The following CLEC5A variants were observed in gnomAD, a reference collection of about 807,000 sequenced individuals.
CLEC5A encodes C-type lectin domain containing 5A.
CLEC5A carries 15 observed loss-of-function variants against 24.4 expected under a neutral mutation model. The observed-to-expected ratio is 0.62, with a 90% CI of 0.41 to 0.95. The LOEUF (loss-of-function observed/expected upper bound fraction) is 0.95. Ranked by LOEUF, CLEC5A falls within the 40% of genes least tolerant of loss-of-function variation. The pLI, the probability that CLEC5A is intolerant of heterozygous loss-of-function variation, is 0.00. For synonymous variants in CLEC5A, 71 were observed against 72.6 expected, an observed-to-expected ratio of 0.98 and a Z score of 0.11; for missense variants, 211 against 224.0, an observed-to-expected ratio of 0.94 and a Z score of 0.37.
chr7:141,930,521 G>A (rs1802428803), intron 6 of CLEC5A, among the ~76,000 whole-genome samples: 1 of 152,194 alleles, frequency 6.6e-6, no homozygotes, highest in Admixed American at 6.5e-5. Context: ...CTGGCATTTG[G>A]TTAGAAGCAT....
intron 2 of CLEC5A, 191 bp downstream of exon 2, chr7:141,946,023 C>A: frequency 1.7e-6 from 1 of 599,798 alleles, no homozygotes; most frequent in Non-Finnish European, 2.9e-6. Context: ...CCAAGGTAGA[C>A]CAAGGAGCCT....
At chr7:141,945,443 G>A (rs1554442050) in intron 2 of CLEC5A, 43 bp from the exon 3 acceptor site, 2 of 1,366,334 alleles carry the variant, frequency 1.5e-6, no homozygotes, top group Non-Finnish European at 2.1e-6. Context: ...AAATGTGACT[G>A]CATGATGAAT....
At chr7:141,940,260 A>G (rs76670438) in intron 4 of CLEC5A, among the ~76,000 whole-genome samples, 2,575 of 152,236 alleles carry the variant, frequency 0.017, 70 homozygotes, top group African/African-American at 0.059. Flanking sequence ...ATGGAATTAA[A>G]TAGAAGTCAG....
Position 141,931,715 on chromosome 7 carries a change from C to T in CLEC5A, c.452+5G>A, listed in dbSNP as rs782441523. ...TCCCCAGGAAACTGTGGCATGTTCACGTACTTGCCATTGAACACAGAGTTG... is the reference window on the plus strand; with the variant it reads ...TCCCCAGGAAACTGTGGCATGTTCATGTACTTGCCATTGAACACAGAGTTG... On this transcript the variant is annotated splice_donor_5th_base_variant and intron_variant, in intron 6 of 6. Transcript: ENST00000546910. 2.7e-5 allele frequency: 39 copies of T among 1,462,008 alleles called. No individual in the cohort carries two copies. In the East Asian group the frequency reaches 2.7e-4, roughly 10 times the overall value. The allele number at this position is 1,462,008 out of a possible 1,614,324, so 90.6% of individuals were successfully genotyped here.
rs1447581359 is a variant in CLEC5A at position 141,929,939 on chromosome 7, TGGCTA to T, written c.*160_*164del. On this transcript the variant is annotated 3_prime_UTR_variant, in exon 7 of 7. Transcript: ENST00000546910. The stretch of plus-strand genomic sequence containing the variant: ...TAAAACTGATCCTGTCTCCTGGAGA[TGGCTA>T]GCATCCAGTCCCCCAGTGCAGAAGA... 1.7e-6 allele frequency: 1 copy of T among 584,852 alleles called. No individual in the cohort carries two copies. Among genetic ancestry groups the T allele is most frequent in the African/African-American group, 1.9e-5 (1 of 53,062 alleles). 36.2% of individuals were successfully genotyped at this position (584,852 alleles called of 1,614,324 possible).
intron 4 of CLEC5A, among the ~76,000 whole-genome samples, chr7:141,941,157 A>G (rs1318286602): frequency 7.2e-5 from 11 of 152,126 alleles, no homozygotes; most frequent in Admixed American, 6.6e-4. Context: ...ATACCAATCA[A>G]TATTGATGCA....
chr7:141,943,224 A>G (rs568800635), intron 4 of CLEC5A, among the ~76,000 whole-genome samples: 1 of 152,312 alleles, frequency 6.6e-6, no homozygotes, highest in South Asian at 2.1e-4. Flanking sequence ...CATATACACA[A>G]TGGAGTACTG....
chr7:141,936,513 C>T lies in CLEC5A; in HGVS notation c.209-563G>A, dbSNP rs1016911619. On this transcript the variant is annotated intron_variant, in intron 4 of 6. Coordinates refer to ENST00000546910, the MANE Select transcript of CLEC5A (RefSeq NM_013252.3). ...CCCATGGAGGAAGCATTTAGATGAG[C>T]GCTAGCCGGAGGGGAATAACCCATC... Among the ~76,000 whole-genome samples the T allele has an allele frequency of 3.3e-4, 51 of 152,246 alleles. 1 individual carries two copies. Among genetic ancestry groups the T allele is most frequent in the African/African-American group, 1.2e-3 (50 of 41,550 alleles).
At chr7:141,934,613 GTTTTTTTTTTTTT>G (rs577797546) in intron 5 of CLEC5A, among the ~76,000 whole-genome samples, 8 of 61,798 alleles carry the variant, frequency 1.3e-4, no homozygotes, top group East Asian at 5.4e-4. Flanking sequence ...TTTCTTTAAC[GTTTTTTTTTTTTT>G]TTTTTTTTTT....
Position 141,946,235 on chromosome 7 carries a change from T to A in CLEC5A, c.58A>T (p.Met20Leu), listed in dbSNP as rs782384088. 3.2e-6 allele frequency: 5 copies of A among 1,569,046 alleles called. No homozygotes were observed. Among genetic ancestry groups the A allele is most frequent in the Non-Finnish European group, 3.5e-6 (4 of 1,155,646 alleles). ...LIVVVLKVVG[M>L]TLFLLYFPQI... Reference sequence around the variant, plus strand: ...TCACAATAAAGTAGAAATAAGGTCATTCCAACAACTTTAAGCACTACCACA... The same window carrying A: ...TCACAATAAAGTAGAAATAAGGTCAATCCAACAACTTTAAGCACTACCACA... Residue 20 changes from methionine (M) to leucine (L), a missense_variant, in exon 2 of 7, where the codon ATG becomes TTG. Coordinates refer to ENST00000546910, the MANE Select transcript of CLEC5A (RefSeq NM_013252.3).
chr7:141,946,057 T>C (rs966533996), intron 2 of CLEC5A, 157 bp downstream of exon 2: 2 of 695,366 alleles, frequency 2.9e-6, no homozygotes, highest in Admixed American at 2.6e-5. Context: ...TGCTGGGGAG[T>C]GAGAAAGGCA....
At chr7:141,945,468 T>G (rs1584855486) in intron 2 of CLEC5A, 68 bp from the exon 3 acceptor site, 2 of 1,064,652 alleles carry the variant, frequency 1.9e-6, no homozygotes, top group East Asian at 2.4e-5. Context: ...CAAACAAGTA[T>G]CAGCACAGGG....
chr7:141,944,257 G>C lies in CLEC5A; in HGVS notation c.140-293C>G, dbSNP rs111820602. Among the ~76,000 whole-genome samples the C allele has an allele frequency of 4.3e-3, 658 of 152,276 alleles. 5 individuals are homozygous for C. The highest frequency in any genetic ancestry group is 0.015 in the African/African-American group (632 of 41,554). ...AAAGGAAAAGTAATGGAGGAATTTA[G>C]TATCAGAGAGAAACTCTCACACTCC... On this transcript the variant is annotated intron_variant, in intron 3 of 6. Transcript: ENST00000546910.
At chr7:141,935,979 AG>A in intron 4 of CLEC5A, 29 bp from the exon 5 acceptor site, 1 of 1,603,952 alleles carries the variant, frequency 6.2e-7, no homozygotes, top group Non-Finnish European at 8.5e-7. Flanking sequence ...GGAGAGTACG[AG>A]TTTACTGGTT....
chr7:141,942,773 A>C (rs1473172736), intron 4 of CLEC5A, among the ~76,000 whole-genome samples: 3 of 152,178 alleles, frequency 2.0e-5, no homozygotes, highest in Admixed American at 6.6e-5. Context: ...AAAAGATCTG[A>C]ATAGACATTT....
intron 4 of CLEC5A, among the ~76,000 whole-genome samples, chr7:141,941,995 CACTCT>C (rs1444390463): frequency 6.6e-6 from 1 of 151,930 alleles, no homozygotes; most frequent in African/African-American, 2.4e-5. Flanking sequence ...TTAAAATGTC[CACTCT>C]ACTCAAAGCA....
In CLEC5A at chr7:141,929,978, C is replaced by G; in HGVS notation, c.*126G>C. 2 of 672,196 alleles carry G rather than the reference C, an allele frequency of 3.0e-6. No individual in the cohort carries two copies. The highest frequency in any genetic ancestry group is 5.0e-6 in the Non-Finnish European group (2 of 398,864). The allele number at this position is 672,196 out of a possible 1,614,324, so 41.6% of individuals were successfully genotyped here. A position where few individuals can be genotyped will look rare whatever the true frequency, so the allele number is the denominator to read the frequency against. On this transcript the variant is annotated 3_prime_UTR_variant, in exon 7 of 7. Transcript: ENST00000546910. The stretch of plus-strand genomic sequence containing the variant: ...TCCCCCAGTGCAGAAGAAAGAAGCT[C>G]AGTTTCCCAAATGGGCAAGGACCGC...
rs1194117349 is a variant in CLEC5A, at chr7:141,946,330, C to T, written c.-20-18G>A. 5 of 1,549,470 alleles carry T rather than the reference C, an allele frequency of 3.2e-6. No individual in the cohort carries two copies. In the African/African-American group the frequency reaches 5.5e-5, roughly 17 times the overall value. On this transcript the variant is annotated intron_variant, in intron 1 of 6. Transcript: ENST00000546910. ...GCAGGGGCCTGTGAAGATTAGAGCA[C>T]AGCAGCATCAGAATTCGGGTACAAG...
At chr7:141,945,441 CT>C in intron 2 of CLEC5A, 41 bp from the exon 3 acceptor site, 1 of 1,385,280 alleles carries the variant, frequency 7.2e-7, no homozygotes, top group Non-Finnish European at 1.0e-6. Flanking sequence ...CCAAATGTGA[CT>C]GCATGATGAA....
Sources: allele counts gnomAD v4.1 joint callset (sites outside exome capture counted in the v4.1 genomes callset), GRCh38; gene constraint gnomAD v4.1.1; transcripts MANE v1.5; gene names NCBI Gene and HGNC (gene_info 2026-07-23, HGNC 2026-07-21).